The following TMEM238L variants were observed in gnomAD, a reference collection of about 807,000 sequenced individuals.
TMEM238L encodes the protein transmembrane protein 238-like.
intron 1 of TMEM238L, among the ~76,000 whole-genome samples, chr17:10,800,933 C>A (rs1182123726): frequency 6.6e-6 from 1 of 152,104 alleles, no homozygotes; most frequent in Non-Finnish European, 1.5e-5. Flanking sequence ...GGGTTTCAGC[C>A]GGTAATAATC....
intron 1 of TMEM238L, among the ~76,000 whole-genome samples, chr17:10,801,478 G>A (rs1157664259): frequency 5.3e-5 from 8 of 152,086 alleles, no homozygotes; most frequent in Admixed American, 3.9e-4. Context: ...TCTCCCTGTC[G>A]TCTTTTATTT....
intron 1 of TMEM238L, among the ~76,000 whole-genome samples, chr17:10,801,073 C>G (rs1050283560): frequency 4.7e-5 from 7 of 148,080 alleles, no homozygotes; most frequent in Non-Finnish European, 8.9e-5. Context: ...TTTTTTGAGA[C>G]GGAGTCTCGC....
At chr17:10,798,918 C>CA (rs201174266) in intron 1 of TMEM238L, among the ~76,000 whole-genome samples, 8,401 of 146,286 alleles carry the variant, frequency 0.057, 286 homozygotes, top group African/African-American at 0.1. Context: ...GAAAATGGAG[C>CA]AAAAAAAAAA....
chr17:10,803,371 G>A (rs2151524828), intron 1 of TMEM238L, among the ~76,000 whole-genome samples: 1 of 152,296 alleles, frequency 6.6e-6, no homozygotes, highest in African/African-American at 2.4e-5. Flanking sequence ...GGGTGGAAGG[G>A]GCTGTTGAGA....
At chr17:10,796,733 T>A (rs1405614831) in intron 1 of TMEM238L, among the ~76,000 whole-genome samples, 1 of 152,232 alleles carries the variant, frequency 6.6e-6, no homozygotes, top group East Asian at 1.9e-4. Flanking sequence ...GCCATTGGCA[T>A]AACGTCTCTT....
At chr17:10,799,030 G>A (rs971214028) in intron 1 of TMEM238L, among the ~76,000 whole-genome samples, 4 of 150,540 alleles carry the variant, frequency 2.7e-5, no homozygotes, top group Admixed American at 6.7e-5. Context: ...GAAACTTCCT[G>A]GGGGTGCCTT....
chr17:10,800,564 C>G (rs1355830808), intron 1 of TMEM238L, among the ~76,000 whole-genome samples: 1 of 152,230 alleles, frequency 6.6e-6, no homozygotes, highest in African/African-American at 2.4e-5. Context: ...GCCTCACCCT[C>G]TGTAATGTGC....
At chr17:10,801,037 T>C (rs550341876) in intron 1 of TMEM238L, among the ~76,000 whole-genome samples, 1 of 151,286 alleles carries the variant, frequency 6.6e-6, no homozygotes, top group Admixed American at 6.6e-5. Flanking sequence ...ATCTCTTCAA[T>C]GGATTCCTTT....
At chr17:10,798,691 C>T (rs1441748100) in intron 1 of TMEM238L, among the ~76,000 whole-genome samples, 2 of 151,266 alleles carry the variant, frequency 1.3e-5, no homozygotes, top group Non-Finnish European at 2.9e-5. Flanking sequence ...GTGTGTGTTT[C>T]TGGATGTGTG....
At chr17:10,803,974 G>A (rs1904823787) in exon 1 of TMEM238L, 1 of 399,064 alleles carries the variant, frequency 2.5e-6, no homozygotes, top group East Asian at 3.6e-5. Context: ...TGCCCAGGAG[G>A]AGCGGGAGGA....
intron 1 of TMEM238L, among the ~76,000 whole-genome samples, chr17:10,801,211 C>A (rs542376856): frequency 6.6e-6 from 1 of 152,074 alleles, no homozygotes; most frequent in Admixed American, 6.6e-5. Flanking sequence ...CCACTGCGCC[C>A]GGCTAATTTT....
At chr17:10,798,235 A>C (rs1351432106) in intron 1 of TMEM238L, among the ~76,000 whole-genome samples, 7 of 151,960 alleles carry the variant, frequency 4.6e-5, no homozygotes, top group Admixed American at 4.6e-4. Flanking sequence ...GCCTCCTCTC[A>C]GCTTTCAGAG....
chr17:10,794,953 T>G (rs1904495761), exon 2 of TMEM238L: 1 of 152,234 alleles, frequency 6.6e-6, no homozygotes, highest in African/African-American at 2.4e-5. Flanking sequence ...TTTATTTAGG[T>G]AACCACCTCA....
chr17:10,800,897 T>G (rs1255844134), intron 1 of TMEM238L, among the ~76,000 whole-genome samples: 1 of 152,146 alleles, frequency 6.6e-6, no homozygotes. Flanking sequence ...CTGTGTTGTT[T>G]GGGTACTTGT....
intron 1 of TMEM238L, among the ~76,000 whole-genome samples, chr17:10,803,171 C>A (rs1025844204): frequency 1.3e-5 from 2 of 152,056 alleles, no homozygotes; most frequent in Non-Finnish European, 2.9e-5. Context: ...CAGTTCACAC[C>A]CCTTCATGTA....
intron 1 of TMEM238L, among the ~76,000 whole-genome samples, chr17:10,801,057 T>G (rs923255072): frequency 6.6e-5 from 10 of 151,756 alleles, no homozygotes; most frequent in Admixed American, 1.3e-4. Context: ...TTTACTGTTT[T>G]TTTTTTTTTT....
intron 1 of TMEM238L, among the ~76,000 whole-genome samples, chr17:10,801,424 C>T (rs1293505729): frequency 1.3e-5 from 2 of 152,150 alleles, no homozygotes; most frequent in Non-Finnish European, 2.9e-5. Context: ...CTCTGTCTAC[C>T]ACAGAGCCCT....
At chr17:10,801,293 C>T (rs529831901) in intron 1 of TMEM238L, among the ~76,000 whole-genome samples, 20 of 152,132 alleles carry the variant, frequency 1.3e-4, no homozygotes, top group Non-Finnish European at 2.5e-4. Context: ...CCACCTCGGC[C>T]TCCCAAAGTG....
chr17:10,798,259 G>A (rs543609610), intron 1 of TMEM238L, among the ~76,000 whole-genome samples: 1 of 152,164 alleles, frequency 6.6e-6, no homozygotes, highest in Admixed American at 6.5e-5. Flanking sequence ...TGGCAAGACT[G>A]TGCTTATCTC....
Sources: allele counts gnomAD v4.1 joint callset (sites outside exome capture counted in the v4.1 genomes callset), GRCh38; gene constraint gnomAD v4.1.1; transcripts MANE v1.5; gene names NCBI Gene and HGNC (gene_info 2026-07-23, HGNC 2026-07-21).